The following PBX3 variants were observed in gnomAD, a reference collection of about 807,000 sequenced individuals.
The protein encoded by PBX3 is PBX homeobox 3.
PBX3 carries 14 observed loss-of-function variants against 48.5 expected under a neutral mutation model. The observed-to-expected ratio is 0.29, with a 90% confidence interval of 0.19 to 0.45. PBX3 has a LOEUF of 0.45. Among genes scored for constraint, PBX3 ranks in the 20% least tolerant of loss-of-function variants. The pLI is 1.00. For synonymous variants in PBX3, 210 were observed against 200.3 expected (o/e 1.05, Z -0.41); for missense variants, 386 against 546.7 (o/e 0.71, Z 2.93).
At chr9:125,959,599 T>C (rs1432439593) in intron 5 of PBX3, among the ~76,000 whole-genome samples, 4 of 152,086 alleles carry the variant, frequency 2.6e-5, no homozygotes, top group Non-Finnish European at 4.4e-5. Context: ...ACAGTGTAAA[T>C]TGGGTTGGAA....
intron 2 of PBX3, among the ~76,000 whole-genome samples, chr9:125,754,001 T>C (rs1836446035): frequency 6.6e-6 from 1 of 152,236 alleles, no homozygotes; most frequent in Non-Finnish European, 1.5e-5. Context: ...GAAGTGGGAC[T>C]ATAAGAATTG....
intron 2 of PBX3, among the ~76,000 whole-genome samples, chr9:125,904,714 A>T (rs1057065650): frequency 2.6e-5 from 4 of 151,854 alleles, no homozygotes; most frequent in African/African-American, 9.7e-5. Context: ...GCAGCACACC[A>T]CTGGGTATTG....
chr9:125,815,168 A>T (rs2132138932), intron 2 of PBX3, among the ~76,000 whole-genome samples: 1 of 152,318 alleles, frequency 6.6e-6, no homozygotes, highest in Non-Finnish European at 1.5e-5. Context: ...TTTCTGGGTC[A>T]ATCCATTTTG....
chr9:125,792,141 A>G (rs1266485481), intron 2 of PBX3, among the ~76,000 whole-genome samples: 1 of 152,122 alleles, frequency 6.6e-6, no homozygotes, highest in Non-Finnish European at 1.5e-5. Context: ...AGAATCCTAG[A>G]TGTAGGAAAA....
intron 3 of PBX3, among the ~76,000 whole-genome samples, chr9:125,918,589 G>T (rs1297820038): frequency 2.6e-5 from 4 of 152,144 alleles, no homozygotes; most frequent in East Asian, 1.9e-4. Context: ...AATACTTTCA[G>T]ATGGAAAAAT....
chr9:125,868,631 AC>A (rs932272557), intron 2 of PBX3, among the ~76,000 whole-genome samples: 13 of 152,208 alleles, frequency 8.5e-5, no homozygotes, highest in African/African-American at 2.9e-4. Flanking sequence ...AGCTTAAGAA[AC>A]AAAATCAGAG....
At chr9:125,916,905 A>C (rs1243951476) in intron 3 of PBX3, among the ~76,000 whole-genome samples, 1 of 152,116 alleles carries the variant, frequency 6.6e-6, no homozygotes, top group Non-Finnish European at 1.5e-5. Context: ...ATTAGATTGA[A>C]CCCTATGAAA....
At chr9:125,899,206 TAA>T in intron 2 of PBX3, among the ~76,000 whole-genome samples, 8 of 122,514 alleles carry the variant, frequency 6.5e-5, no homozygotes, top group Non-Finnish European at 1.3e-4. Flanking sequence ...TATATATTTA[TAA>T]ATATACATAT....
chr9:125,760,822 A>G lies in PBX3; in HGVS notation c.274+12199A>G, dbSNP rs181993327. Among the ~76,000 whole-genome samples, 528 of 152,234 alleles carry G rather than the reference A, an allele frequency of 3.5e-3. 5 individuals carry two copies. Among genetic ancestry groups the G allele is most frequent in the Non-Finnish European group, 5.9e-3 (400 of 67,990 alleles). On this transcript the variant is annotated intron_variant, in intron 2 of 8. Transcript: ENST00000373489. Reference sequence around the variant, plus strand: ...AATTTGATGTCACCTTTGAATTCACATATATTTTCTTGATTAAGCCACGTT... The same window carrying G: ...AATTTGATGTCACCTTTGAATTCACGTATATTTTCTTGATTAAGCCACGTT...
chr9:125,911,181 C>T (rs1342383248), intron 2 of PBX3, among the ~76,000 whole-genome samples: 2 of 152,126 alleles, frequency 1.3e-5, no homozygotes, highest in African/African-American at 4.8e-5. Context: ...AATGAGATCT[C>T]ATGACCATGG....
chr9:125,926,418 G>A (rs1043007002), intron 3 of PBX3, among the ~76,000 whole-genome samples: 3 of 152,122 alleles, frequency 2.0e-5, no homozygotes, highest in Admixed American at 1.3e-4. Flanking sequence ...TACTTGGAAG[G>A]CTGAGGCACG....
At chr9:125,837,600 A>C (rs764656125) in intron 2 of PBX3, among the ~76,000 whole-genome samples, 13 of 152,066 alleles carry the variant, frequency 8.5e-5, no homozygotes, top group Non-Finnish European at 1.9e-4. Flanking sequence ...GATAATACTT[A>C]AGGTTAATAA....
chr9:125,852,212 A>C (rs1839603093), intron 2 of PBX3, among the ~76,000 whole-genome samples: 1 of 152,118 alleles, frequency 6.6e-6, no homozygotes, highest in Admixed American at 6.6e-5. Context: ...TTGCTGATAA[A>C]AGCTGTTTAC....
At chr9:125,857,878 CT>C (rs1335767465) in intron 2 of PBX3, among the ~76,000 whole-genome samples, 1 of 152,136 alleles carries the variant, frequency 6.6e-6, no homozygotes, top group African/African-American at 2.4e-5. Context: ...CTGCCAAAAT[CT>C]TTTCTTTAGC....
intron 2 of PBX3, among the ~76,000 whole-genome samples, chr9:125,763,971 ATTCTT>A (rs1233038672): frequency 2.0e-5 from 3 of 152,224 alleles, no homozygotes; most frequent in African/African-American, 7.2e-5. Flanking sequence ...GAAATCACAC[ATTCTT>A]TTCTTCACTT....
intron 2 of PBX3, among the ~76,000 whole-genome samples, chr9:125,780,619 G>A (rs1416954751): frequency 1.5e-5 from 2 of 137,172 alleles, no homozygotes; most frequent in Admixed American, 7.0e-5. Context: ...CCTCCCGGAC[G>A]GGGCGGCTGG....
At chr9:125,881,387 G>A (rs138554445) in intron 2 of PBX3, among the ~76,000 whole-genome samples, 4 of 152,294 alleles carry the variant, frequency 2.6e-5, no homozygotes, top group Admixed American at 6.5e-5. Flanking sequence ...GTCACTGGCT[G>A]CTGACTCTAG....
At chr9:125,935,370 T>G in intron 4 of PBX3, 102 bp from the exon 5 acceptor site, 1 of 1,016,484 alleles carries the variant, frequency 9.8e-7, no homozygotes, top group Non-Finnish European at 1.5e-6. Flanking sequence ...TAAGGATGTT[T>G]AAAAAGAGAA....
intron 2 of PBX3, among the ~76,000 whole-genome samples, chr9:125,892,707 G>A (rs1026383057): frequency 2.6e-5 from 4 of 152,154 alleles, no homozygotes; most frequent in African/African-American, 7.2e-5. Context: ...ATGCAGAACT[G>A]CCTGAAGTCC....
Sources: gnomAD v4.1 joint callset for allele counts (sites outside exome capture counted in the v4.1 genomes callset) on GRCh38, gnomAD v4.1.1 for gene constraint, MANE v1.5 for transcripts, NCBI Gene and HGNC (gene_info 2026-07-23, HGNC 2026-07-21) for gene names.